The following BTBD18 variants were observed in gnomAD, a reference collection of about 807,000 sequenced individuals.
The protein encoded by BTBD18 is BTB/POZ domain-containing protein 18.
For synonymous variants in BTBD18, 311 were observed against 324.4 expected (o/e 0.96, Z 0.44); for missense variants, 787 against 846.3 (o/e 0.93, Z 0.87).
Position 57,751,053 on chromosome 11 carries a change from C to T in BTBD18, c.124+12G>A, listed in dbSNP as rs369711030. The stretch of plus-strand genomic sequence containing the variant: ...TGGTGAGTTTTCAGTTGAATTCCGA[C>T]CACTCTCTTACCTTCTGCCTGCAGA... On this transcript the variant is annotated intron_variant, in intron 2 of 2. Coordinates refer to ENST00000422652, the MANE Select transcript of BTBD18 (RefSeq NM_001145101.3). The T allele has an allele frequency of 4.0e-6, 6 of 1,514,534 alleles. No individual in the cohort carries two copies. The highest frequency in any genetic ancestry group is 2.8e-5 in the African/African-American group (2 of 71,064). The allele number at this position is 1,514,534 out of a possible 1,614,324, so 93.8% of individuals were successfully genotyped here.
chr11:57,744,741 A>G lies in BTBD18; in HGVS notation c.1532T>C (p.Ile511Thr), dbSNP rs148470181. 58 of 1,551,322 alleles carry G rather than the reference A, an allele frequency of 3.7e-5. No individual in the cohort carries two copies. In the Middle Eastern group the frequency reaches 5.0e-4, roughly 13 times the overall value. The change falls in exon 3 of 3, where the codon ATA becomes ACA. Residue 511 changes from isoleucine (I) to threonine (T), a missense_variant. Ile to Thr is a moderately conservative substitution (Grantham distance 89). Coordinates refer to ENST00000422652, the MANE Select transcript of BTBD18 (RefSeq NM_001145101.3). ...AGCCCCTGGACTCTCCAGAGACCCTATAGGTGGTTCAATGTCTGAGCCACA... is the reference window on the plus strand; with the variant it reads ...AGCCCCTGGACTCTCCAGAGACCCTGTAGGTGGTTCAATGTCTGAGCCACA... ...MLCGSDIEPP[I>T]GSLESPGAEG... is the part of the protein sequence containing the mutation.
chr11:57,751,382 G>A lies in BTBD18; in HGVS notation c.-48-146C>T, dbSNP rs1949305447. 1.3e-5 allele frequency: 6 copies of A among 447,004 alleles called. No individual in the cohort carries two copies. The South Asian group carries it at 1.9e-4, about 14-fold the overall frequency. The allele number at this position is 447,004 out of a possible 1,614,324, so 27.7% of individuals were successfully genotyped here. On this transcript the variant is annotated intron_variant, in intron 1 of 2. Transcript: ENST00000422652. Reference sequence around the variant, plus strand: ...AGAAATTGTGCCAAGGATATCTCAAGAAAGAAAATTATCATAGTGGTTACA... The same window carrying A: ...AGAAATTGTGCCAAGGATATCTCAAAAAAGAAAATTATCATAGTGGTTACA...
In BTBD18 at chr11:57,744,602, C is replaced by T; in HGVS notation, c.1671G>A (p.Leu557=). Residue 557 remains leucine (L), a synonymous_variant, in exon 3 of 3, where the codon TTG becomes TTA. Transcript: ENST00000422652. ...TGTTCTCACCAGCAGGTTCCTTTTCCAATTCTGTGAGCTCCCTGGGCCAGA... is the reference window on the plus strand; with the variant it reads ...TGTTCTCACCAGCAGGTTCCTTTTCTAATTCTGTGAGCTCCCTGGGCCAGA... ...MELWPRELTE[L]EKEPAGENRG... is the part of the protein sequence containing the mutation. 6.4e-7 allele frequency: 1 copy of T among 1,551,690 alleles called. No individual in the cohort carries two copies.
At chr11:57,749,244 A>C (rs924460101) in intron 2 of BTBD18, among the ~76,000 whole-genome samples, 2 of 152,206 alleles carry the variant, frequency 1.3e-5, no homozygotes, top group Admixed American at 1.3e-4. Context: ...AGATTTCCTT[A>C]AGAAGAGGAA....
rs780691637 is a variant in BTBD18 at position 57,744,423 on chromosome 11, T to C, written c.1850A>G (p.Asp617Gly). 7 of 1,551,474 alleles carry C rather than the reference T, an allele frequency of 4.5e-6. No homozygotes were observed. The highest frequency in any genetic ancestry group is 6.1e-6 in the Non-Finnish European group (7 of 1,146,984). Residue 617 changes from aspartate (D) to glycine (G), a missense_variant, in exon 3 of 3, where the codon GAT (aspartate) becomes GGT (glycine). Coordinates refer to ENST00000422652, the MANE Select transcript of BTBD18 (RefSeq NM_001145101.3). ...EDKLLHVSSL[D>G]TPQRSYGDLS... is the part of the protein sequence containing the mutation. ...GTCCCCATAAGACCTCTGGGGAGTA[T>C]CAAGGGAGCTGACATGGAGAAGTTT... is the stretch of plus-strand genomic sequence containing the variant.
chr11:57,750,698 G>T (rs1949289185), intron 2 of BTBD18, among the ~76,000 whole-genome samples: 1 of 152,156 alleles, frequency 6.6e-6, no homozygotes, highest in African/African-American at 2.4e-5. Context: ...CTCTCAAAAA[G>T]AAAACATAAT....
chr11:57,745,579 T>C lies in BTBD18; in HGVS notation c.694A>G (p.Arg232Gly), dbSNP rs1379470796. The change falls in exon 3 of 3, where the codon AGA (arginine) becomes GGA (glycine). Residue 232 changes from arginine (R) to glycine (G), a missense_variant. Arg to Gly is a moderately radical substitution (Grantham distance 125). Transcript: ENST00000422652. The part of the protein sequence containing the change: ...SSPSSHSQEP[R>G]ENKNDTALDP... ...AGGGCAGTGTCATTCTTGTTCTCTC[T>C]AGGCTCTTGACTATGGCTTGATGGT... 1.3e-5 allele frequency: 20 copies of C among 1,551,224 alleles called. No individual in the cohort carries two copies. The highest frequency in any genetic ancestry group is 1.7e-5 in the Non-Finnish European group (20 of 1,146,912).
At chr11:57,751,439 G>A (rs1029148290) in intron 1 of BTBD18, 102 bp downstream of exon 1, 1 of 312,632 alleles carries the variant, frequency 3.2e-6, no homozygotes, top group African/African-American at 2.2e-5. Context: ...CTAGGTTTGG[G>A]TCTTGGCTCT....
At position 57,744,056 on chromosome 11, in the gene BTBD18, A is replaced by T; in HGVS notation, c.*78T>A. 1 of 1,119,292 alleles carries T rather than the reference A, an allele frequency of 8.9e-7. No individual in the cohort carries two copies. Among genetic ancestry groups the T allele is most frequent in the Non-Finnish European group, 1.3e-6 (1 of 787,030 alleles). The allele number at this position is 1,119,292 out of a possible 1,614,324, so 69.3% of individuals were successfully genotyped here. ...GCCTCTTGTGCTGAGGGCACGTGCC[A>T]GCTTCTCTGCCAGTAAGCCTTTTGC... is the stretch of plus-strand genomic sequence containing the variant. On this transcript the variant is annotated 3_prime_UTR_variant, in exon 3 of 3. Transcript: ENST00000422652.
intron 2 of BTBD18, among the ~76,000 whole-genome samples, chr11:57,747,102 T>C (rs1949211110): frequency 6.6e-6 from 1 of 152,258 alleles, no homozygotes; most frequent in South Asian, 2.1e-4. Flanking sequence ...CAGAAAGAGC[T>C]ATGGAGGTGG....
chr11:57,749,291 A>G (rs1205118126), intron 2 of BTBD18, among the ~76,000 whole-genome samples: 1 of 152,256 alleles, frequency 6.6e-6, no homozygotes, highest in African/African-American at 2.4e-5. Context: ...TTAGCATACA[A>G]CAGGCAACTG....
Position 57,745,040 on chromosome 11 carries a change from A to G in BTBD18, c.1233T>C (p.Pro411=). Residue 411 remains proline (P), a synonymous_variant, in exon 3 of 3, where the codon CCT becomes CCC. Transcript: ENST00000422652. ...PFSSNEQEMS[P]TRTELCQDSP... is the part of the protein sequence containing the mutation. ...AGTCCTGACACAGTTCTGTTCTAGT[A>G]GGTGACATTTCCTGCTCATTACTGG... 6.4e-7 allele frequency: 1 copy of G among 1,551,622 alleles called. No individual in the cohort carries two copies. Among genetic ancestry groups the G allele is most frequent in the African/African-American group, 1.4e-5 (1 of 73,150 alleles).
chr11:57,746,201 G>T, intron 2 of BTBD18, 53 bp from the exon 3 acceptor site: 1 of 1,386,784 alleles, frequency 7.2e-7, no homozygotes, highest in Non-Finnish European at 9.7e-7. Context: ...ATGTTCATGG[G>T]CTAAGCATAG....
intron 2 of BTBD18, among the ~76,000 whole-genome samples, chr11:57,748,992 G>A (rs535302132): frequency 4.2e-4 from 64 of 152,270 alleles, no homozygotes; most frequent in Non-Finnish European, 8.4e-4. Flanking sequence ...CTCTGAACCT[G>A]TATACGTGCT....
At chr11:57,751,423 A>G (rs2135704466) in intron 1 of BTBD18, 118 bp downstream of exon 1, 1 of 365,564 alleles carries the variant, frequency 2.7e-6, no homozygotes, top group African/African-American at 2.1e-5. Context: ...GAGCTCAGAG[A>G]TAAGCCTAGG....
chr11:57,745,146 G>A lies in BTBD18; in HGVS notation c.1127C>T (p.Pro376Leu), dbSNP rs1420858810. 2 of 1,551,522 alleles carry A rather than the reference G, an allele frequency of 1.3e-6. No homozygotes were observed. The highest frequency in any genetic ancestry group is 1.7e-6 in the Non-Finnish European group (2 of 1,146,982). ...GGGGCTATCTTGAGTGTTTTTGAGA[G>A]GAGTCTCTTGTACCACTTCCCAGCA... ...GTCWEVVQET[P>L]LKNTQDSPQI... The change falls in exon 3 of 3, where the codon CCT (proline) becomes CTT (leucine). Residue 376 changes from proline to leucine, a missense_variant. Coordinates refer to ENST00000422652, the MANE Select transcript of BTBD18 (RefSeq NM_001145101.3).
In BTBD18 at chr11:57,744,184, A is replaced by G; in HGVS notation, c.2089T>C (p.Trp697Arg). The change falls in exon 3 of 3, where the codon TGG becomes CGG. Residue 697 changes from tryptophan (W) to arginine (R), a missense_variant. Trp to Arg is a moderately radical substitution (Grantham distance 101). Transcript: ENST00000422652. ...RLVPTTVPSV[W>R]PDPSSESETE... ...TCTGACTCTGAGGAAGGGTCAGGCC[A>G]CACGGAGGGAACAGTAGTGGGTACC... 6.4e-7 allele frequency: 1 copy of G among 1,551,398 alleles called. No individual in the cohort carries two copies. Among genetic ancestry groups the G allele is most frequent in the Non-Finnish European group, 8.7e-7 (1 of 1,146,900 alleles).
At chr11:57,750,534 A>G (rs1202871484) in intron 2 of BTBD18, among the ~76,000 whole-genome samples, 1 of 152,212 alleles carries the variant, frequency 6.6e-6, no homozygotes, top group Non-Finnish European at 1.5e-5. Flanking sequence ...CATCTCTACT[A>G]AAAATACAAA....
chr11:57,750,738 A>G (rs138804072), intron 2 of BTBD18, among the ~76,000 whole-genome samples: 6 of 152,382 alleles, frequency 3.9e-5, no homozygotes, highest in African/African-American at 1.4e-4. Flanking sequence ...TGTGGTTAGT[A>G]TATTAAAAGC....
Sources: allele counts gnomAD v4.1 joint callset (sites outside exome capture counted in the v4.1 genomes callset), GRCh38; gene constraint gnomAD v4.1.1; transcripts MANE v1.5; gene names NCBI Gene and HGNC (gene_info 2026-07-23, HGNC 2026-07-21).